DPP6: variants seen among roughly 807,000 people sequenced by gnomAD.
DPP6 encodes the protein dipeptidyl peptidase like 6.
Under a neutral mutation model 122.6 loss-of-function variants are expected in DPP6, and 69 were observed. That is an observed-to-expected ratio of 0.56 (90% CI 0.46 to 0.69). The LOEUF is 0.69. Among genes scored for constraint, DPP6 ranks in the 30% least tolerant of loss-of-function variants. The probability of loss-of-function intolerance (pLI) is 0.00; values close to 1 mark genes in which losing one functional copy is unlikely to be tolerated. For missense variants in DPP6, 928 were observed against 1,116.9 expected (o/e 0.83, Z 2.41); for synonymous variants, 418 against 433.1 (o/e 0.97, Z 0.43).
At position 154,657,689 on chromosome 7, in the gene DPP6, TGC is replaced by T. The variant is rs1184355877; in HGVS notation, c.681-11669_681-11668del. Among the ~76,000 whole-genome samples, 170 of 119,750 alleles carry T rather than the reference TGC, an allele frequency of 1.4e-3. 19 individuals carry two copies. Among genetic ancestry groups the T allele is most frequent in the African/African-American group, 5.0e-3 (164 of 32,842 alleles). 78.6% of individuals were successfully genotyped at this position (119,750 alleles called of 152,430 possible). On this transcript the variant is annotated intron_variant, in intron 6 of 25. Coordinates refer to ENST00000377770, the MANE Select transcript of DPP6 (RefSeq NM_130797.4). ...GGTGCTCATGGGTGGGTGGAGAGGC[TGC>T]GTGGGAGGAGGTGCTCATAGGTGGG...
chr7:154,563,128 G>C (rs1830532487), intron 4 of DPP6, among the ~76,000 whole-genome samples: 1 of 152,190 alleles, frequency 6.6e-6, no homozygotes, highest in Non-Finnish European at 1.5e-5. Flanking sequence ...TGAAGGACAT[G>C]GAAGGCCTCA....
At chr7:153,801,348 CTA>C in the DPP6 span, among the ~76,000 whole-genome samples, 1 of 151,454 alleles carries the variant, frequency 6.6e-6, no homozygotes, top group Non-Finnish European at 1.5e-5. Flanking sequence ...GGCATAAATT[CTA>C]TGTCAGGTCT....
intron 1 of DPP6, chr7:154,026,412 A>G (rs1798957527): frequency 6.6e-6 from 1 of 152,076 alleles, no homozygotes; most frequent in African/African-American, 2.4e-5. Context: ...GAGTCCTGTG[A>G]ATCCTAGTGA....
At position 154,876,018 on chromosome 7, in the gene DPP6, G is replaced by A. The variant is rs1167715239; in HGVS notation, c.1996G>A (p.Gly666Ser). Residue 666 changes from glycine (G) to serine (S), a missense_variant, in exon 20 of 26, where the codon GGC (glycine) becomes AGC (serine). Transcript: ENST00000377770. The stretch of plus-strand genomic sequence containing the variant: ...GGTAAAGTGTGACGGCCGTGGCAGC[G>A]GCTTCCAAGGGACCAAGCTCCTGCA... ...VVVKCDGRGS[G>S]FQGTKLLHEV... is the part of the protein sequence containing the mutation. 4.3e-6 allele frequency: 7 copies of A among 1,613,102 alleles called. No homozygotes were observed. The highest frequency in any genetic ancestry group is 4.5e-5 in the East Asian group (2 of 44,846).
chr7:154,102,435 C>T (rs551793803), intron 1 of DPP6, among the ~76,000 whole-genome samples: 60 of 152,270 alleles, frequency 3.9e-4, no homozygotes, highest in African/African-American at 9.1e-4. Flanking sequence ...GTAATCCGCC[C>T]GCCTCAGCCT....
chr7:154,079,913 G>C (rs1388701395), intron 1 of DPP6, among the ~76,000 whole-genome samples: 1 of 151,568 alleles, frequency 6.6e-6, no homozygotes, highest in Non-Finnish European at 1.5e-5. Context: ...GAATGGACCT[G>C]GTCTGTGATA....
In DPP6 at chr7:154,801,434, T is replaced by G; in HGVS notation, c.1379T>G (p.Phe460Cys). The G allele has an allele frequency of 1.3e-6, 2 of 1,591,494 alleles. No individual in the cohort carries two copies. Among genetic ancestry groups the G allele is most frequent in the Non-Finnish European group, 1.7e-6 (2 of 1,167,962 alleles). ...RAIPQGGRGK[F>C]YHITVSSSQP... ...ATCCCCCAGGGAGGACGAGGGAAAT[T>G]CTATCACATCACGGTGTCCTCGTCC... is the stretch of plus-strand genomic sequence containing the variant. The change falls in exon 13 of 26, where the codon TTC becomes TGC. Residue 460 changes from phenylalanine (F) to cysteine (C), a missense_variant. Phe to Cys is a radical substitution (Grantham distance 205, BLOSUM62 -2). Transcript: ENST00000377770.
chr7:154,018,877 G>T (rs200096064), intron 1 of DPP6, among the ~76,000 whole-genome samples: 14,711 of 152,106 alleles, frequency 0.097, 871 homozygotes, highest in East Asian at 0.18. Flanking sequence ...GAGTGAGTTT[G>T]TAATGGCATT....
intron 1 of DPP6, among the ~76,000 whole-genome samples, chr7:153,987,919 C>G (rs994509912): frequency 1.3e-5 from 2 of 152,048 alleles, no homozygotes; most frequent in African/African-American, 4.8e-5. Flanking sequence ...GCTTTGTCAC[C>G]GGCCAGTATG....
intron 1 of DPP6, among the ~76,000 whole-genome samples, chr7:154,046,704 A>G (rs1800032668): frequency 6.6e-6 from 1 of 152,098 alleles, no homozygotes; most frequent in Non-Finnish European, 1.5e-5. Context: ...GGAAAGATAC[A>G]CTGGAATCTG....
At chr7:154,267,217 T>C (rs1268990878) in intron 1 of DPP6, among the ~76,000 whole-genome samples, 2 of 151,638 alleles carry the variant, frequency 1.3e-5, no homozygotes, top group African/African-American at 4.8e-5. Context: ...TAAAATGTGC[T>C]GATTATAGTA....
At chr7:154,251,593 G>A (rs542683192) in intron 1 of DPP6, among the ~76,000 whole-genome samples, 195 of 152,310 alleles carry the variant, frequency 1.3e-3, no homozygotes, top group African/African-American at 4.3e-3. Flanking sequence ...GGCTCAGTTC[G>A]AGTCCCAAAA....
At chr7:154,824,160 T>C (rs1799983963) in intron 16 of DPP6, among the ~76,000 whole-genome samples, 1 of 152,252 alleles carries the variant, frequency 6.6e-6, no homozygotes, top group African/African-American at 2.4e-5. Flanking sequence ...ACACAAAGAC[T>C]GCTGACACAT....
rs1315986044 is a variant in DPP6, at chr7:154,807,014, T to TC, written c.1569dup (p.Asn524GlnfsTer8). On this transcript the variant is annotated frameshift_variant, in exon 16 of 26. Transcript: ENST00000377770. LOFTEE classifies it high-confidence loss of function. ...TCCAGTGCCAACACGGTGGGCAACT[T>TC]CAACAGGCAGTGCCTCTCCTGTGAC... 5 of 1,613,880 alleles carry TC rather than the reference T, an allele frequency of 3.1e-6. No homozygotes were observed. Among genetic ancestry groups the TC allele is most frequent in the Non-Finnish European group, 4.2e-6 (5 of 1,179,834 alleles).
intron 6 of DPP6, among the ~76,000 whole-genome samples, chr7:154,644,022 C>T (rs10262780): frequency 0.15 from 22,477 of 152,062 alleles, 1,939 homozygotes; most frequent in African/African-American, 0.24. Context: ...ACGTGGGACT[C>T]AGCATGGGTA....
the DPP6 span, among the ~76,000 whole-genome samples, chr7:153,873,609 G>T: frequency 1.1e-4 from 16 of 152,182 alleles, no homozygotes; most frequent in East Asian, 3.9e-4. Flanking sequence ...GTTTATTCTC[G>T]ACAGGAAAGT....
At chr7:153,851,229 A>T in the DPP6 span, among the ~76,000 whole-genome samples, 8,495 of 152,272 alleles carry the variant, frequency 0.056, 431 homozygotes, top group East Asian at 0.25. Flanking sequence ...CTGAGAATTT[A>T]AAAAATGTAA....
At chr7:154,502,337 GC>G (rs1213503641) in intron 3 of DPP6, among the ~76,000 whole-genome samples, 1 of 151,910 alleles carries the variant, frequency 6.6e-6, no homozygotes, top group Non-Finnish European at 1.5e-5. Flanking sequence ...TTTGGGAGGG[GC>G]TAGGGGTGGA....
chr7:153,787,821 T>C, the DPP6 span, among the ~76,000 whole-genome samples: 16 of 132,242 alleles, frequency 1.2e-4, no homozygotes, highest in African/African-American at 4.4e-4. Flanking sequence ...TTGATTTTAA[T>C]AGTGATTTAC....
Sources: gnomAD v4.1 joint callset for allele counts (sites outside exome capture counted in the v4.1 genomes callset) on GRCh38, gnomAD v4.1.1 for gene constraint, MANE v1.5 for transcripts, NCBI Gene and HGNC (gene_info 2026-07-23, HGNC 2026-07-21) for gene names.